The following NAV1 variants were observed in gnomAD, a reference collection of about 807,000 sequenced individuals.
NAV1 encodes neuron navigator 1.
NAV1 carries 18 observed loss-of-function variants against 175.2 expected under a neutral mutation model. The observed-to-expected ratio is 0.10, with a 90% confidence interval of 0.07 to 0.15. The LOEUF (loss-of-function observed/expected upper bound fraction) is 0.15, where lower values mean the gene tolerates loss of function less well. Among genes scored for constraint, NAV1 ranks in the 10% least tolerant of loss-of-function variants. NAV1 has a pLI of 1.00. For synonymous variants in NAV1, 897 were observed against 978.7 expected (o/e 0.92, Z 1.56); for missense variants, 1,731 against 2,436.6 (o/e 0.71, Z 6.10).
intron 2 of NAV1, among the ~76,000 whole-genome samples, chr1:201,600,666 G>A (rs1282191818): frequency 6.6e-6 from 1 of 151,974 alleles, no homozygotes; most frequent in African/African-American, 2.4e-5. Flanking sequence ...AAATAGGTGA[G>A]GGAGTGACAA....
At chr1:201,714,339 TCTC>T (rs1469189374) in intron 2 of NAV1, among the ~76,000 whole-genome samples, 3 of 152,184 alleles carry the variant, frequency 2.0e-5, no homozygotes, top group Non-Finnish European at 4.4e-5. Context: ...CCCTTCTCCT[TCTC>T]CTTCCTTGTA....
intron 16 of NAV1, among the ~76,000 whole-genome samples, 155 bp downstream of exon 20, chr1:201,803,869 AT>A (rs1678103707): frequency 6.6e-6 from 1 of 151,926 alleles, no homozygotes; most frequent in African/African-American, 2.4e-5. Flanking sequence ...GGTCTCCCAG[AT>A]TCTCCCTTCC....
chr1:201,560,512 G>T (rs940531830), intron 1 of NAV1, among the ~76,000 whole-genome samples: 1 of 152,212 alleles, frequency 6.6e-6, no homozygotes, highest in Non-Finnish European at 1.5e-5. Flanking sequence ...CAAGAGCCCA[G>T]TGACCCTGCA....
chr1:201,585,543 A>C (rs1666999918), intron 1 of NAV1, among the ~76,000 whole-genome samples: 1 of 152,216 alleles, frequency 6.6e-6, no homozygotes, highest in Admixed American at 6.5e-5. Flanking sequence ...CAGATTAGGA[A>C]AAAAAATTTG....
chr1:201,630,729 C>T (rs766775461), intron 2 of NAV1, among the ~76,000 whole-genome samples: 2 of 152,174 alleles, frequency 1.3e-5, no homozygotes, highest in Non-Finnish European at 2.9e-5. Context: ...AGAACCAGGG[C>T]ATGGCAGGGG....
chr1:201,683,758 T>C (rs747655179), intron 1 of NAV1, among the ~76,000 whole-genome samples: 19 of 152,246 alleles, frequency 1.2e-4, no homozygotes, highest in Non-Finnish European at 1.9e-4. Context: ...GTTCATTGAG[T>C]TTCTCCACGG....
At chr1:201,612,720 T>C (rs190823604) in intron 2 of NAV1, among the ~76,000 whole-genome samples, 13 of 152,284 alleles carry the variant, frequency 8.5e-5, no homozygotes, top group Admixed American at 5.9e-4. Flanking sequence ...TTAATACTAT[T>C]GCATTGGAGA....
chr1:201,543,038 G>T (rs1419260867), intron 1 of NAV1, among the ~76,000 whole-genome samples: 1 of 152,170 alleles, frequency 6.6e-6, no homozygotes, highest in East Asian at 1.9e-4. Flanking sequence ...GATTCTTTGG[G>T]ATTTTCTATA....
chr1:201,758,132 T>C (rs1243234977), intron 3 of NAV1, among the ~76,000 whole-genome samples: 1 of 152,220 alleles, frequency 6.6e-6, no homozygotes, highest in Admixed American at 6.5e-5. Context: ...GTAAGGTCTT[T>C]GGGGCCAGAT....
intron 3 of NAV1, among the ~76,000 whole-genome samples, chr1:201,745,125 C>T (rs778770456): frequency 3.3e-5 from 5 of 152,206 alleles, no homozygotes; most frequent in Non-Finnish European, 7.3e-5. Context: ...TCTTGGGATG[C>T]TTCAGGAATT....
upstream of NAV1, among the ~76,000 whole-genome samples, chr1:201,621,332 C>CTT (rs11422175): frequency 2.9e-3 from 339 of 118,886 alleles, 5 homozygotes; most frequent in Middle Eastern, 9.1e-3. Context: ...TCTTTTCTTT[C>CTT]TTTTTTTTTT....
At position 201,539,720 on chromosome 1, in the gene NAV1, A is replaced by C. The variant is rs1286040759; in HGVS notation, c.-144+378A>C. ...ATGAGACACCAGGTGCTGCGTTCTT[A>C]TACTCGCACCCACACGGCAAGCACA... On this transcript the variant is annotated intron_variant, in intron 1 of 33. Transcript: ENST00000685211. This position sits in a 1 kb window ranked among gnomAD's most constrained non-coding sequence, Gnocchi z 5.6. Among the ~76,000 whole-genome samples the C allele has an allele frequency of 1.3e-5, 2 of 152,056 alleles. No homozygotes were observed. Among genetic ancestry groups the C allele is most frequent in the Non-Finnish European group, 2.9e-5 (2 of 67,994 alleles).
chr1:201,767,089 G>A (rs1571471482), intron 3 of NAV1, among the ~76,000 whole-genome samples: 1 of 151,132 alleles, frequency 6.6e-6, no homozygotes, highest in Non-Finnish European at 1.5e-5. Context: ...AAAGTGCTGG[G>A]ATTACAGGTG....
intron 1 of NAV1, among the ~76,000 whole-genome samples, chr1:201,542,303 A>G (rs1419716398): frequency 6.6e-6 from 1 of 152,188 alleles, no homozygotes; most frequent in East Asian, 1.9e-4. Context: ...CAAGACAGCT[A>G]TCTCTGTGAT....
chr1:201,763,556 T>G lies in NAV1; in HGVS notation c.1227-16865T>G, dbSNP rs1004933133. ...AGACAAAAAGGGAAATCTCTGAAAC[T>G]AGAGAAAACTCAAACAAATTGTGGC... is the stretch of plus-strand genomic sequence containing the variant. On this transcript the variant is annotated intron_variant, in intron 3 of 29. Coordinates refer to ENST00000367296, the Ensembl canonical transcript of NAV1. Among the ~76,000 whole-genome samples the G allele has an allele frequency of 2.6e-5, 4 of 152,228 alleles. No individual in the cohort carries two copies. In the East Asian group the frequency reaches 7.7e-4, roughly 29 times the overall value.
intron 1 of NAV1, among the ~76,000 whole-genome samples, chr1:201,555,301 CAG>C (rs1665979644): frequency 6.6e-6 from 1 of 152,210 alleles, no homozygotes; most frequent in South Asian, 2.1e-4. Flanking sequence ...AGGCAAGAAT[CAG>C]GGGAGATTTT....
intron 1 of NAV1, chr1:201,688,380 A>G (rs601757): frequency 0.83 from 126,252 of 152,184 alleles, 52,552 homozygotes; most frequent in East Asian, 0.93. Flanking sequence ...AATCAAGGAG[A>G]ACTTCCTGGG....
upstream of NAV1, among the ~76,000 whole-genome samples, chr1:201,621,559 T>C (rs1668172902): frequency 1.3e-5 from 2 of 151,992 alleles, no homozygotes; most frequent in South Asian, 2.1e-4. Flanking sequence ...CTCAATCTCC[T>C]GACTTCAGGT....
intron 14 of NAV1, 118 bp from the exon 19 acceptor site, chr1:201,794,348 C>G: frequency 1.1e-6 from 1 of 873,718 alleles, no homozygotes; most frequent in Non-Finnish European, 1.9e-6. Context: ...GACCAGGTGG[C>G]CAGGCTGGTC....
Sources: allele counts gnomAD v4.1 joint callset (sites outside exome capture counted in the v4.1 genomes callset), GRCh38; gene constraint gnomAD v4.1.1; non-coding constraint Gnocchi (gnomAD v3.1); transcripts MANE v1.5; gene names NCBI Gene and HGNC (gene_info 2026-07-23, HGNC 2026-07-21).